The following NSMCE2 variants were observed in gnomAD, a reference collection of about 807,000 sequenced individuals.
NSMCE2 encodes NSE2 SUMO ligase component of SMC5/6 complex.
A neutral mutation model predicts 23.8 loss-of-function variants in NSMCE2; 24 were observed. That is an observed-to-expected ratio of 1.01 (90% CI 0.73 to 1.42). The LOEUF is 1.42. Ranked by LOEUF, NSMCE2 falls within the 40% of genes most tolerant of loss-of-function variation. NSMCE2 has a pLI of 0.00. For synonymous variants in NSMCE2, 92 were observed against 94.1 expected (o/e 0.98, Z 0.13); for missense variants, 284 against 296.5 (o/e 0.96, Z 0.31).
At chr8:125,222,746 T>G (rs1000210887) in intron 5 of NSMCE2, among the ~76,000 whole-genome samples, 1 of 152,166 alleles carries the variant, frequency 6.6e-6, no homozygotes, top group African/African-American at 2.4e-5. Context: ...ATATACCACA[T>G]TTTTTAAATC....
intron 5 of NSMCE2, among the ~76,000 whole-genome samples, chr8:125,286,057 C>T (rs1376578924): frequency 6.6e-6 from 1 of 151,974 alleles, no homozygotes; most frequent in African/African-American, 2.4e-5. Flanking sequence ...TTTCCCTACC[C>T]TCCAGTGCCT....
chr8:125,268,174 C>T (rs1246296381), intron 5 of NSMCE2, among the ~76,000 whole-genome samples: 5 of 151,414 alleles, frequency 3.3e-5, no homozygotes, highest in Non-Finnish European at 7.4e-5. Context: ...GTCGAGGCTG[C>T]GGTGAACCAT....
chr8:125,250,418 A>G (rs1433254262), intron 5 of NSMCE2, among the ~76,000 whole-genome samples: 1 of 152,172 alleles, frequency 6.6e-6, no homozygotes, highest in Non-Finnish European at 1.5e-5. Flanking sequence ...ATAGCCTATT[A>G]AGGTTAGACT....
chr8:125,183,907 A>T (rs6995023), intron 5 of NSMCE2, among the ~76,000 whole-genome samples: 3 of 152,174 alleles, frequency 2.0e-5, no homozygotes, highest in African/African-American at 7.2e-5. Flanking sequence ...ACCGAGAACT[A>T]TTCTATTTGG....
intron 4 of NSMCE2, among the ~76,000 whole-genome samples, chr8:125,158,092 G>C (rs1163128969): frequency 6.6e-6 from 1 of 152,140 alleles, no homozygotes; most frequent in Admixed American, 6.5e-5. Flanking sequence ...ACCCACTTTG[G>C]GAAGTGCTGC....
At chr8:125,111,902 G>A (rs1289778398) in intron 3 of NSMCE2, among the ~76,000 whole-genome samples, 1 of 152,166 alleles carries the variant, frequency 6.6e-6, no homozygotes, top group Non-Finnish European at 1.5e-5. Flanking sequence ...TTACATTCTG[G>A]ATTTTTCACT....
intron 4 of NSMCE2, among the ~76,000 whole-genome samples, chr8:125,169,899 C>T (rs1822091219): frequency 6.6e-6 from 1 of 152,058 alleles, no homozygotes; most frequent in Non-Finnish European, 1.5e-5. Flanking sequence ...TTGCCTCTGG[C>T]CTTAGCACAC....
At chr8:125,328,910 G>A (rs938522447) in intron 5 of NSMCE2, among the ~76,000 whole-genome samples, 13 of 152,194 alleles carry the variant, frequency 8.5e-5, no homozygotes, top group East Asian at 3.9e-4. Flanking sequence ...AGTGAGACCC[G>A]AAGTCAGAAC....
intron 5 of NSMCE2, among the ~76,000 whole-genome samples, chr8:125,268,822 A>G (rs6995986): frequency 0.63 from 96,466 of 151,986 alleles, 32,933 homozygotes; most frequent in Non-Finnish European, 0.75. Flanking sequence ...CAGCAGTGCC[A>G]GAGCCTGCAG....
intron 1 of NSMCE2, among the ~76,000 whole-genome samples, chr8:125,097,066 A>T (rs953204704): frequency 3.3e-5 from 5 of 152,094 alleles, no homozygotes; most frequent in African/African-American, 1.2e-4. Flanking sequence ...AAATGTCTCA[A>T]CTTGTTTGGT....
chr8:125,366,799 A>G lies in NSMCE2; in HGVS notation c.658A>G (p.Ile220Val), dbSNP rs200074935. The G allele has an allele frequency of 5.1e-5, 83 of 1,612,842 alleles. No homozygotes were observed. In the East Asian group the frequency reaches 1.3e-3, roughly 25 times the overall value. The change falls in exon 8 of 8, where the codon ATA becomes GTA. Residue 220 changes from isoleucine (I) to valine (V), a missense_variant. Transcript: ENST00000287437. ...TCAAATTGGCTGTAGCCACACGGAT[A>G]TAAGAAAGTCAGATCTTATCCAGGA... ...CPQIGCSHTDIRKSDLIQDEA... is the reference protein window; with the variant it reads ...CPQIGCSHTDVRKSDLIQDEA...
chr8:125,270,271 A>G (rs1224948413), intron 5 of NSMCE2, among the ~76,000 whole-genome samples: 2 of 152,132 alleles, frequency 1.3e-5, no homozygotes, highest in African/African-American at 4.8e-5. Flanking sequence ...GTTCGAGACC[A>G]CCCTGGGCAA....
intron 5 of NSMCE2, among the ~76,000 whole-genome samples, chr8:125,204,537 G>A (rs757641375): frequency 5.3e-5 from 8 of 152,006 alleles, no homozygotes; most frequent in Non-Finnish European, 1.2e-4. Context: ...ATTTTTCCCC[G>A]TACACAAAGT....
Position 125,324,731 on chromosome 8 carries a change from C to T in NSMCE2, c.419-32488C>T, listed in dbSNP as rs1365105387. On this transcript the variant is annotated intron_variant, in intron 5 of 7. Coordinates refer to ENST00000287437, the MANE Select transcript of NSMCE2 (RefSeq NM_173685.4). ...CTGGGACTACAGGCGCCCGCCACTA[C>T]GCCCGGCTAATTTTTTGTATTTTTA... Among the ~76,000 whole-genome samples, 4 of 106,320 alleles carry T rather than the reference C, an allele frequency of 3.8e-5. 1 individual carries two copies. The highest frequency in any genetic ancestry group is 8.0e-5 in the African/African-American group (3 of 37,274). The allele number at this position is 106,320 out of a possible 152,430, so 69.8% of individuals were successfully genotyped here.
intron 5 of NSMCE2, among the ~76,000 whole-genome samples, chr8:125,288,106 G>A (rs1007991327): frequency 5.3e-5 from 8 of 152,178 alleles, no homozygotes; most frequent in African/African-American, 1.7e-4. Flanking sequence ...GATTGTAGGC[G>A]TGAGCCACCA....
At chr8:125,193,305 A>G (rs1167565303) in intron 5 of NSMCE2, among the ~76,000 whole-genome samples, 2 of 152,240 alleles carry the variant, frequency 1.3e-5, no homozygotes, top group African/African-American at 4.8e-5. Context: ...TATTCACAAA[A>G]CATGTATCTT....
intron 5 of NSMCE2, among the ~76,000 whole-genome samples, chr8:125,261,013 A>C (rs1826669327): frequency 1.3e-5 from 2 of 152,224 alleles, no homozygotes; most frequent in African/African-American, 4.8e-5. Flanking sequence ...TATTGGATGA[A>C]GCTGACAGAG....
intron 5 of NSMCE2, among the ~76,000 whole-genome samples, chr8:125,242,896 G>C (rs1297404145): frequency 6.6e-6 from 1 of 152,208 alleles, no homozygotes; most frequent in Non-Finnish European, 1.5e-5. Context: ...TAGACAAGGA[G>C]AGGAGAGTCA....
In NSMCE2 at chr8:125,301,051, TG is replaced by T. The variant is rs1331320042; in HGVS notation, c.419-56167del. On this transcript the variant is annotated intron_variant, in intron 5 of 7. Transcript: ENST00000287437. ...GTGTCACAATCATTAACTATTTTTG[TG>T]AAGTATGGCTTCAAAGAGAAAACAA... 3.9e-5 allele frequency among the ~76,000 whole-genome samples: 6 copies of T among 152,336 alleles called. No homozygotes were observed. The South Asian group carries it at 1.0e-3, about 26-fold the overall frequency.
Sources: allele counts gnomAD v4.1 joint callset (sites outside exome capture counted in the v4.1 genomes callset), GRCh38; gene constraint gnomAD v4.1.1; transcripts MANE v1.5; gene names NCBI Gene and HGNC (gene_info 2026-07-23, HGNC 2026-07-21).